MARCHF1: variants seen among roughly 807,000 people sequenced by gnomAD.
MARCHF1 encodes the protein E3 ubiquitin-protein ligase MARCHF1.
Under a neutral mutation model 54.2 loss-of-function variants are expected in MARCHF1, and 40 were observed. The ratio of observed to expected loss-of-function variants is 0.74; its 90% CI spans 0.57 to 0.96. MARCHF1 has a LOEUF of 0.96. MARCHF1 is among the 40% of genes least tolerant of loss of function. The pLI, the probability that MARCHF1 is intolerant of heterozygous loss-of-function variation, is 0.00. For synonymous variants in MARCHF1, 236 were observed against 236.3 expected (o/e 1.00, Z 0.01); for missense variants, 586 against 656.5 (o/e 0.89, Z 1.17).
At chr4:164,259,688 G>A (rs996411171) in intron 1 of MARCHF1, among the ~76,000 whole-genome samples, 4 of 151,984 alleles carry the variant, frequency 2.6e-5, no homozygotes, top group Non-Finnish European at 4.4e-5. Flanking sequence ...ATGGTAAACC[G>A]ATATGACCCT....
At chr4:163,659,931 A>C (rs1349973527) in intron 5 of MARCHF1, among the ~76,000 whole-genome samples, 3 of 152,250 alleles carry the variant, frequency 2.0e-5, no homozygotes, top group Non-Finnish European at 4.4e-5. Context: ...GTGGAGAAAT[A>C]GGAATGCTTT....
intron 7 of MARCHF1, among the ~76,000 whole-genome samples, chr4:163,586,167 A>G (rs1740405767): frequency 6.6e-6 from 1 of 152,212 alleles, no homozygotes; most frequent in African/African-American, 2.4e-5. Flanking sequence ...TTTGAGCACC[A>G]ACATAATGCT....
At chr4:163,805,494 A>G (rs1264104574) in intron 4 of MARCHF1, among the ~76,000 whole-genome samples, 6 of 152,176 alleles carry the variant, frequency 3.9e-5, no homozygotes, top group African/African-American at 1.4e-4. Flanking sequence ...TTGGCATGGC[A>G]CTTTTGAGCC....
At chr4:163,590,577 A>G (rs1199586916) in intron 7 of MARCHF1, among the ~76,000 whole-genome samples, 1 of 152,164 alleles carries the variant, frequency 6.6e-6, no homozygotes, top group African/African-American at 2.4e-5. Flanking sequence ...ATCACCAATC[A>G]TATAAACCCA....
At chr4:163,798,454 T>C (rs1747985598) in intron 4 of MARCHF1, among the ~76,000 whole-genome samples, 1 of 152,188 alleles carries the variant, frequency 6.6e-6, no homozygotes, top group Non-Finnish European at 1.5e-5. Flanking sequence ...ATCAACATAA[T>C]GTCTTTTTAA....
chr4:163,759,001 G>C (rs192696346), intron 4 of MARCHF1, among the ~76,000 whole-genome samples: 3 of 151,912 alleles, frequency 2.0e-5, no homozygotes, highest in Non-Finnish European at 4.4e-5. Flanking sequence ...TAGAGTTCCC[G>C]TTATATCTTG....
At chr4:163,840,854 C>G (rs1219586189) in intron 4 of MARCHF1, among the ~76,000 whole-genome samples, 2 of 151,968 alleles carry the variant, frequency 1.3e-5, no homozygotes, top group African/African-American at 4.8e-5. Context: ...TTTTGGTAAT[C>G]ATTTTACAAT....
chr4:163,961,163 G>C (rs1431703398), intron 3 of MARCHF1, among the ~76,000 whole-genome samples: 1 of 151,872 alleles, frequency 6.6e-6, no homozygotes, highest in African/African-American at 2.4e-5. Context: ...TCTATTCATA[G>C]GCCTCAGCCT....
chr4:164,255,196 G>A (rs779255283), intron 1 of MARCHF1, among the ~76,000 whole-genome samples: 1 of 152,128 alleles, frequency 6.6e-6, no homozygotes, highest in African/African-American at 2.4e-5. Flanking sequence ...ATCAGGGAAA[G>A]CTGGATGATA....
intron 1 of MARCHF1, among the ~76,000 whole-genome samples, chr4:164,232,463 A>C (rs1463378349): frequency 6.6e-6 from 1 of 152,112 alleles, no homozygotes; most frequent in African/African-American, 2.4e-5. Flanking sequence ...GACAGTGAAC[A>C]CTAATAGCAA....
intron 5 of MARCHF1, among the ~76,000 whole-genome samples, chr4:163,633,116 C>T (rs2111000842): frequency 6.6e-6 from 1 of 152,210 alleles, no homozygotes; most frequent in African/African-American, 2.4e-5. Context: ...CATCAAAGAC[C>T]AAAAGTAGAT....
At chr4:163,824,372 A>G (rs1748784797) in intron 4 of MARCHF1, among the ~76,000 whole-genome samples, 1 of 151,108 alleles carries the variant, frequency 6.6e-6, no homozygotes, top group South Asian at 2.1e-4. Flanking sequence ...CAAACCTGAG[A>G]AAAACAAGCA....
intron 3 of MARCHF1, among the ~76,000 whole-genome samples, chr4:163,927,626 G>C (rs1751564605): frequency 6.6e-6 from 1 of 151,762 alleles, no homozygotes; most frequent in Non-Finnish European, 1.5e-5. Flanking sequence ...GAAACAGGTT[G>C]CCTGGTTAGC....
chr4:164,309,946 C>T (rs1214716168), intron 1 of MARCHF1, among the ~76,000 whole-genome samples: 5 of 151,156 alleles, frequency 3.3e-5, no homozygotes, highest in Admixed American at 6.6e-5. Flanking sequence ...ACCAAGCCCA[C>T]GTAATGCAGG....
chr4:164,261,865 A>G (rs187951389), intron 1 of MARCHF1, among the ~76,000 whole-genome samples: 1,754 of 152,194 alleles, frequency 0.012, 35 homozygotes, highest in African/African-American at 0.04. Flanking sequence ...GTGTGGCCGG[A>G]TGCAGTGGCT....
At chr4:163,549,194 T>C (rs1431678388) in intron 8 of MARCHF1, among the ~76,000 whole-genome samples, 3 of 152,252 alleles carry the variant, frequency 2.0e-5, no homozygotes, top group African/African-American at 7.2e-5. Flanking sequence ...TTGTAAATTC[T>C]TGAGCTCCGC....
intron 3 of MARCHF1, among the ~76,000 whole-genome samples, chr4:163,977,854 T>C (rs1463498046): frequency 1.3e-5 from 2 of 152,216 alleles, no homozygotes; most frequent in Non-Finnish European, 2.9e-5. Flanking sequence ...TCATTCATTA[T>C]TATTAATTAT....
intron 5 of MARCHF1, among the ~76,000 whole-genome samples, chr4:163,698,867 G>A (rs1455708198): frequency 6.6e-6 from 1 of 152,194 alleles, no homozygotes; most frequent in Admixed American, 6.6e-5. Context: ...ACAGATGACA[G>A]AGTTCTTTGG....
At chr4:164,327,189 A>G (rs1735306489) in intron 1 of MARCHF1, among the ~76,000 whole-genome samples, 1 of 152,190 alleles carries the variant, frequency 6.6e-6, no homozygotes. Flanking sequence ...AAGGAGATGA[A>G]CAAGTTACCA....
Sources: gnomAD v4.1 joint callset for allele counts (sites outside exome capture counted in the v4.1 genomes callset) on GRCh38, gnomAD v4.1.1 for gene constraint, MANE v1.5 for transcripts, NCBI Gene and HGNC (gene_info 2026-07-23, HGNC 2026-07-21) for gene names.